CPNE4: variants seen among roughly 807,000 people sequenced by gnomAD.
CPNE4 encodes the protein copine-4.
In CPNE4, 25 loss-of-function variants were observed where a neutral mutation model predicts 67.9. The observed-to-expected ratio is 0.37, with a 90% CI of 0.27 to 0.51. The LOEUF is 0.51. CPNE4 is among the 20% of genes least tolerant of loss of function. CPNE4 has a pLI of 0.93. For missense variants in CPNE4, 464 were observed against 690.8 expected (o/e 0.67, Z 3.68); for synonymous variants, 242 against 244.9 (o/e 0.99, Z 0.11).
chr3:131,985,191 C>A (rs1219459108), intron 1 of CPNE4, among the ~76,000 whole-genome samples: 2 of 152,106 alleles, frequency 1.3e-5, no homozygotes, highest in African/African-American at 2.4e-5. Context: ...GGCACTAATC[C>A]CATTCATGAA....
chr3:131,977,871 C>T (rs1260210045), intron 1 of CPNE4, among the ~76,000 whole-genome samples: 1 of 150,968 alleles, frequency 6.6e-6, no homozygotes, highest in East Asian at 2.0e-4. Context: ...TCCACTGTGT[C>T]ATTCTTATGC....
At chr3:131,910,067 T>C (rs1466297769) in intron 1 of CPNE4, among the ~76,000 whole-genome samples, 1 of 152,042 alleles carries the variant, frequency 6.6e-6, no homozygotes, top group Non-Finnish European at 1.5e-5. Flanking sequence ...GAAAAAACAT[T>C]TGTGATCATA....
chr3:131,853,775 G>C (rs886687770), intron 2 of CPNE4, among the ~76,000 whole-genome samples: 4 of 151,762 alleles, frequency 2.6e-5, no homozygotes, highest in Non-Finnish European at 4.4e-5. Context: ...TATAGTAACC[G>C]ATAAGTACAT....
intron 7 of CPNE4, among the ~76,000 whole-genome samples, chr3:131,661,482 C>T (rs986458082): frequency 5.3e-5 from 8 of 152,294 alleles, no homozygotes; most frequent in Middle Eastern, 3.4e-3. Context: ...TGCTTTTTCA[C>T]GCTGCAGTAT....
intron 11 of CPNE4, among the ~76,000 whole-genome samples, chr3:131,561,893 A>G (rs1055743856): frequency 2.0e-5 from 3 of 152,030 alleles, no homozygotes; most frequent in African/African-American, 4.8e-5. Context: ...CTTGCAATAC[A>G]CATTCTTCTA....
chr3:131,709,419 G>C (rs9839562), intron 3 of CPNE4, among the ~76,000 whole-genome samples: 21,120 of 152,112 alleles, frequency 0.14, 1,779 homozygotes, highest in Middle Eastern at 0.24. Flanking sequence ...CTAGAGTGCC[G>C]TATCTGGTGA....
chr3:132,023,490 T>C (rs970159884), intron 1 of CPNE4, among the ~76,000 whole-genome samples: 4 of 135,798 alleles, frequency 2.9e-5, no homozygotes, highest in Non-Finnish European at 6.3e-5. Context: ...TTTTTTTTTT[T>C]TTTTTTTTTT....
chr3:131,989,107 T>C (rs530112979), intron 1 of CPNE4, among the ~76,000 whole-genome samples: 35 of 152,360 alleles, frequency 2.3e-4, no homozygotes, highest in African/African-American at 7.9e-4. Context: ...TTTAAAGGTG[T>C]GTTCAAAGCC....
At chr3:132,001,593 AAGAAAGAAAGAAAGAAAG>A (rs2073446783) in intron 1 of CPNE4, among the ~76,000 whole-genome samples, 3 of 151,190 alleles carry the variant, frequency 2.0e-5, no homozygotes, top group Admixed American at 1.3e-4. Flanking sequence ...GAAAGAAAGA[AAGAAAGAAAGAAAGAAAG>A]AAAGAAAATG....
chr3:131,778,155 G>A (rs1342503060), intron 2 of CPNE4, among the ~76,000 whole-genome samples: 1 of 152,088 alleles, frequency 6.6e-6, no homozygotes, highest in Non-Finnish European at 1.5e-5. Context: ...TCAATGACAG[G>A]TTTCTTTTTG....
chr3:131,673,568 C>T (rs998600681), intron 6 of CPNE4, among the ~76,000 whole-genome samples: 1 of 151,266 alleles, frequency 6.6e-6, no homozygotes, highest in South Asian at 2.1e-4. Flanking sequence ...TAAGTGAATT[C>T]CTTTTATTTG....
At chr3:131,887,108 T>C (rs2087923099) in intron 2 of CPNE4, among the ~76,000 whole-genome samples, 4 of 152,224 alleles carry the variant, frequency 2.6e-5, no homozygotes. Flanking sequence ...TTTACTCTCA[T>C]GATTCCCACA....
At chr3:132,023,026 A>G (rs1208446227) in intron 1 of CPNE4, among the ~76,000 whole-genome samples, 1 of 152,264 alleles carries the variant, frequency 6.6e-6, no homozygotes, top group Non-Finnish European at 1.5e-5. Flanking sequence ...AGAGTCAGCC[A>G]GAGCATCAAA....
chr3:131,825,981 G>C (rs2085144106), intron 2 of CPNE4, among the ~76,000 whole-genome samples: 1 of 152,116 alleles, frequency 6.6e-6, no homozygotes, highest in South Asian at 2.1e-4. Flanking sequence ...CCTTATATCA[G>C]GTCACTCAGA....
At chr3:131,671,287 C>G (rs886095830) in intron 6 of CPNE4, among the ~76,000 whole-genome samples, 7 of 151,646 alleles carry the variant, frequency 4.6e-5, no homozygotes, top group Admixed American at 1.3e-4. Context: ...AAAATGATAG[C>G]AAGAAGGAGA....
chr3:131,586,128 A>G (rs1455084150), intron 8 of CPNE4, among the ~76,000 whole-genome samples: 1 of 152,150 alleles, frequency 6.6e-6, no homozygotes, highest in Non-Finnish European at 1.5e-5. Context: ...ATCTCTAATT[A>G]GCACTTCTGA....
intron 2 of CPNE4, among the ~76,000 whole-genome samples, chr3:131,796,942 C>A (rs941875676): frequency 2.0e-5 from 3 of 152,184 alleles, no homozygotes; most frequent in Non-Finnish European, 2.9e-5. Context: ...TTGCCTTCAA[C>A]CAGCAGACTG....
intron 10 of CPNE4, among the ~76,000 whole-genome samples, chr3:131,572,113 C>T (rs538818650): frequency 2.0e-5 from 3 of 152,010 alleles, no homozygotes; most frequent in African/African-American, 7.2e-5. Context: ...AGAAAGATGC[C>T]CCCATCTTTA....
intron 1 of CPNE4, among the ~76,000 whole-genome samples, chr3:131,989,482 C>T (rs2073128159): frequency 7.2e-6 from 1 of 138,296 alleles, no homozygotes; most frequent in African/African-American, 2.4e-5. Context: ...TAACAATGGC[C>T]AAAGAATTGC....
Sources: allele counts gnomAD v4.1 joint callset (sites outside exome capture counted in the v4.1 genomes callset), GRCh38; gene constraint gnomAD v4.1.1; transcripts MANE v1.5; gene names NCBI Gene and HGNC (gene_info 2026-07-23, HGNC 2026-07-21).